The following CCDC171 variants were observed in gnomAD, a reference collection of about 807,000 sequenced individuals.
The protein encoded by CCDC171 is coiled-coil domain-containing protein 171.
CCDC171 carries 177 observed loss-of-function variants against 168.2 expected under a neutral mutation model. That is an observed-to-expected ratio of 1.05 (90% CI 0.93 to 1.19). The LOEUF is 1.19. Among genes scored for constraint, CCDC171 ranks in the 50% most tolerant of loss-of-function variants. CCDC171 has a pLI of 0.00. For synonymous variants in CCDC171, 687 were observed against 540.8 expected (o/e 1.27, Z -3.75); for missense variants, 1,991 against 1,539.0 (o/e 1.29, Z -4.91).
chr9:15,846,840 G>A lies in CCDC171; in HGVS notation c.3406G>A (p.Ala1136Thr). ...TGATGCAGAGAGTGCCCTCCGCATGGCAGCCAAGTGAGCATTTGGACCTTG... is the reference window on the plus strand; with the variant it reads ...TGATGCAGAGAGTGCCCTCCGCATGACAGCCAAGTGAGCATTTGGACCTTG... ...IHDAESALRM[A>T]AKDKECVANH... The change falls in exon 22 of 26, where the codon GCA becomes ACA. Residue 1136 changes from alanine (A) to threonine (T), a missense_variant. Ala to Thr is a moderately conservative substitution (Grantham distance 58). Transcript: ENST00000380701. 1.2e-6 allele frequency: 2 copies of A among 1,604,742 alleles called. No individual in the cohort carries two copies. The highest frequency in any genetic ancestry group is 1.7e-6 in the Non-Finnish European group (2 of 1,174,910).
upstream of CCDC171, among the ~76,000 whole-genome samples, chr9:16,039,575 G>A (rs1833538230): frequency 1.3e-5 from 2 of 152,176 alleles, no homozygotes; most frequent in Admixed American, 1.3e-4. Flanking sequence ...CAGGAAGGTA[G>A]GTGGCGCTGT....
chr9:16,097,819 C>G, the CCDC171 span, among the ~76,000 whole-genome samples: 10 of 152,182 alleles, frequency 6.6e-5, no homozygotes, highest in Non-Finnish European at 1.2e-4. Context: ...AGAATCCAGA[C>G]ACAGCATCAT....
chr9:15,988,704 C>G (rs904283265), intron 3 of CCDC171, among the ~76,000 whole-genome samples: 1 of 152,186 alleles, frequency 6.6e-6, no homozygotes, highest in East Asian at 1.9e-4. Context: ...ACAGACGGCA[C>G]ATGGAAAATC....
At chr9:16,010,474 C>G (rs1008476483) in intron 3 of CCDC171, among the ~76,000 whole-genome samples, 13 of 152,042 alleles carry the variant, frequency 8.6e-5, no homozygotes, top group Admixed American at 2.6e-4. Context: ...ATGTGTCTCT[C>G]TGGAATCAGT....
intron 10 of CCDC171, among the ~76,000 whole-genome samples, chr9:15,679,746 G>C (rs557894440): frequency 6.6e-6 from 1 of 152,036 alleles, no homozygotes; most frequent in Non-Finnish European, 1.5e-5. Flanking sequence ...ATGAGGTCTC[G>C]CTATGTTGGC....
chr9:15,744,179 T>A, intron 16 of CCDC171, 94 bp from the exon 17 acceptor site: 3 of 986,986 alleles, frequency 3.0e-6, no homozygotes, highest in Non-Finnish European at 4.4e-6. Context: ...GAAGAAGTGG[T>A]TGTCAGCAAA....
intron 6 of CCDC171, among the ~76,000 whole-genome samples, chr9:15,604,578 G>A (rs2043087305): frequency 6.6e-6 from 1 of 152,184 alleles, no homozygotes; most frequent in Admixed American, 6.5e-5. Flanking sequence ...ATTGAAGCAT[G>A]GGGGAGTTTG....
At chr9:16,001,492 G>A (rs889036891) in intron 3 of CCDC171, among the ~76,000 whole-genome samples, 2 of 151,884 alleles carry the variant, frequency 1.3e-5, no homozygotes, top group African/African-American at 4.8e-5. Flanking sequence ...GGGAGTTAAG[G>A]GGCATTTTAT....
intron 3 of CCDC171, among the ~76,000 whole-genome samples, chr9:15,985,201 G>T (rs1352556476): frequency 6.6e-6 from 1 of 152,110 alleles, no homozygotes; most frequent in East Asian, 1.9e-4. Context: ...CCATAATTAT[G>T]TGGCAAATGG....
rs147543460 is a variant in CCDC171, at chr9:15,988,852, G to A, written n.369-31737G>A. Among the ~76,000 whole-genome samples the A allele has an allele frequency of 5.8e-3, 887 of 152,232 alleles. 11 individuals are homozygous for A. Among genetic ancestry groups the A allele is most frequent in the African/African-American group, 0.02 (851 of 41,546 alleles). On this transcript the variant is annotated intron_variant and non_coding_transcript_variant, in intron 3 of 9. Transcript: ENST00000486641. Reference sequence around the variant, plus strand: ...ATTGCTAGCACAGCAGTCTGAGATCGAAGTGCAAAGCGGCAGCAGGGCTGG... The same window carrying A: ...ATTGCTAGCACAGCAGTCTGAGATCAAAGTGCAAAGCGGCAGCAGGGCTGG...
At chr9:15,626,091 G>C (rs1326882197) in intron 7 of CCDC171, among the ~76,000 whole-genome samples, 1 of 152,122 alleles carries the variant, frequency 6.6e-6, no homozygotes, top group Non-Finnish European at 1.5e-5. Context: ...TCATGATTGG[G>C]AGTTCCACTC....
At chr9:15,868,498 T>TGAGAGAGA (rs71325945) in intron 23 of CCDC171, among the ~76,000 whole-genome samples, 67 of 148,928 alleles carry the variant, frequency 4.5e-4, no homozygotes, top group Non-Finnish European at 3.0e-4. Flanking sequence ...TGTGTGTGTG[T>TGAGAGAGA]GAGAGAGAGA....
chr9:15,998,776 G>T (rs1488729275), intron 3 of CCDC171, among the ~76,000 whole-genome samples: 2 of 152,102 alleles, frequency 1.3e-5, no homozygotes, highest in African/African-American at 2.4e-5. Context: ...ATTAAATGCA[G>T]AAACTTTAAA....
chr9:15,876,446 C>T (rs1374933588), intron 24 of CCDC171, among the ~76,000 whole-genome samples: 1 of 152,060 alleles, frequency 6.6e-6, no homozygotes, highest in African/African-American at 2.4e-5. Context: ...CTCCATTTTA[C>T]ACTTCACCAC....
intron 3 of CCDC171, among the ~76,000 whole-genome samples, chr9:15,987,884 A>T (rs531580793): frequency 6.6e-6 from 1 of 152,232 alleles, no homozygotes; most frequent in Non-Finnish European, 1.5e-5. Flanking sequence ...AAGGAATTGT[A>T]TACAAAATTC....
rs1831355085 is a variant in CCDC171 at position 15,971,536 on chromosome 9, T to C, written c.3754-73T>C. ...TATAATGATTATTAGTCTACTTGCCTGTTTATGGTTTTAGGCTCTATTTGA... is the reference window on the plus strand; with the variant it reads ...TATAATGATTATTAGTCTACTTGCCCGTTTATGGTTTTAGGCTCTATTTGA... On this transcript the variant is annotated intron_variant, in intron 25 of 25. Coordinates refer to ENST00000380701, the MANE Select transcript of CCDC171 (RefSeq NM_173550.4). The C allele has an allele frequency of 4.4e-6, 4 of 905,370 alleles. No individual in the cohort carries two copies. In the South Asian group the frequency reaches 6.0e-5, roughly 14 times the overall value. The allele number at this position is 905,370 out of a possible 1,614,324, so 56.1% of individuals were successfully genotyped here.
chr9:16,080,781 A>C, the CCDC171 span, among the ~76,000 whole-genome samples: 2 of 152,018 alleles, frequency 1.3e-5, no homozygotes, highest in African/African-American at 4.8e-5. Flanking sequence ...AGACAGCTCA[A>C]ATCTCCTTCT....
At position 16,004,074 on chromosome 9, in the gene CCDC171, G is replaced by A. The variant is rs114487028; in HGVS notation, n.369-16515G>A. 7.1e-3 allele frequency among the ~76,000 whole-genome samples: 1,075 copies of A among 152,274 alleles called. 8 individuals carry two copies. The highest frequency in any genetic ancestry group is 0.025 in the African/African-American group (1,025 of 41,544). ...TTCAACACTAATGAGGGCTGCAGCT[G>A]GGATCAGAAAGGAACACGCGGGAGT... On this transcript the variant is annotated intron_variant and non_coding_transcript_variant, in intron 3 of 9. Coordinates refer to the CCDC171 transcript ENST00000486641.
chr9:15,887,444 G>C (rs937666647), intron 24 of CCDC171, among the ~76,000 whole-genome samples: 1 of 152,006 alleles, frequency 6.6e-6, no homozygotes, highest in African/African-American at 2.4e-5. Context: ...AGTTTTTGAG[G>C]GAAGACTAAC....
Sources: allele counts gnomAD v4.1 joint callset (sites outside exome capture counted in the v4.1 genomes callset), GRCh38; gene constraint gnomAD v4.1.1; transcripts MANE v1.5; gene names NCBI Gene and HGNC (gene_info 2026-07-23, HGNC 2026-07-21).